The following ZNF385D variants were observed in gnomAD, a reference collection of about 807,000 sequenced individuals.
ZNF385D encodes zinc finger protein 659.
In ZNF385D, 15 loss-of-function variants were observed where a neutral mutation model predicts 35.8. That is an observed-to-expected ratio of 0.42 (90% CI 0.28 to 0.64). ZNF385D has a LOEUF of 0.64. Ranked by LOEUF, ZNF385D falls within the 30% of genes least tolerant of loss-of-function variation. ZNF385D has a pLI of 0.23. For synonymous variants in ZNF385D, 212 were observed against 186.8 expected (o/e 1.13, Z -1.10); for missense variants, 474 against 494.6 (o/e 0.96, Z 0.39).
chr3:22,292,413 A>C (rs1241558371), intron 2 of ZNF385D, among the ~76,000 whole-genome samples: 1 of 152,084 alleles, frequency 6.6e-6, no homozygotes, highest in South Asian at 2.1e-4. Context: ...ATATTTATAA[A>C]TAAAGCCATT....
At position 21,682,983 on chromosome 3, in the gene ZNF385D, A is replaced by C. The variant is rs960760288; in HGVS notation, c.23-17955T>G. Among the ~76,000 whole-genome samples the C allele has an allele frequency of 4.7e-5, 7 of 150,020 alleles. 1 individual carries two copies. Among genetic ancestry groups the C allele is most frequent in the Non-Finnish European group, 4.5e-5 (3 of 67,406 alleles). ...GAGCACTGGCCCTCAAACTTTAGTG[A>C]GCATCAGAAATGCCTAGAGGGCTTA... On this transcript the variant is annotated intron_variant, in intron 1 of 7. Coordinates refer to ENST00000281523, the MANE Select transcript of ZNF385D (RefSeq NM_024697.3).
intron 2 of ZNF385D, among the ~76,000 whole-genome samples, chr3:22,227,419 G>C (rs1331179936): frequency 6.6e-6 from 1 of 152,168 alleles, no homozygotes. Context: ...ATGGAGGAAG[G>C]AATGCTTCCC....
At chr3:22,336,909 C>CAAAAAAAAA (rs59822476) in intron 2 of ZNF385D, among the ~76,000 whole-genome samples, 2,319 of 47,914 alleles carry the variant, frequency 0.048, 799 homozygotes, top group Middle Eastern at 0.1. Flanking sequence ...AGTGATTTTT[C>CAAAAAAAAA]AAAAAAAAAA....
At chr3:22,348,054 G>T (rs1449427207) in intron 2 of ZNF385D, among the ~76,000 whole-genome samples, 2 of 151,970 alleles carry the variant, frequency 1.3e-5, no homozygotes, top group Non-Finnish European at 2.9e-5. Context: ...TAAGGTCTAC[G>T]CTTAGAATAT....
At chr3:21,671,711 T>C (rs535587015) in intron 1 of ZNF385D, among the ~76,000 whole-genome samples, 10 of 152,216 alleles carry the variant, frequency 6.6e-5, no homozygotes, top group African/African-American at 1.4e-4. Flanking sequence ...TTTGTCAAAT[T>C]AGTTCCGAGA....
At chr3:21,802,554 T>TAA (rs5847139) in intron 3 of ZNF385D, among the ~76,000 whole-genome samples, 8 of 151,342 alleles carry the variant, frequency 5.3e-5, no homozygotes, top group Non-Finnish European at 8.8e-5. Context: ...TACATTGATT[T>TAA]AAAAAAAAAT....
intron 2 of ZNF385D, among the ~76,000 whole-genome samples, chr3:21,615,478 G>A (rs532370224): frequency 2.2e-4 from 33 of 152,220 alleles, no homozygotes; most frequent in African/African-American, 4.1e-4. Context: ...CTGAAATGGC[G>A]TCATATTCAA....
intron 2 of ZNF385D, among the ~76,000 whole-genome samples, chr3:22,288,086 C>A (rs1356521029): frequency 6.6e-6 from 1 of 151,868 alleles, no homozygotes; most frequent in Non-Finnish European, 1.5e-5. Flanking sequence ...CAAACCACTT[C>A]TTTATGATTG....
chr3:22,312,922 A>G (rs1007503369), intron 2 of ZNF385D, among the ~76,000 whole-genome samples: 1 of 135,384 alleles, frequency 7.4e-6, no homozygotes, highest in Non-Finnish European at 1.6e-5. Context: ...AAAGGACTAT[A>G]AATCATGCTG....
chr3:22,237,261 T>C (rs1419469397), intron 2 of ZNF385D, among the ~76,000 whole-genome samples: 1 of 152,180 alleles, frequency 6.6e-6, no homozygotes, highest in African/African-American at 2.4e-5. Flanking sequence ...CTGACTTCCA[T>C]TTACCTAATT....
chr3:21,594,973 C>T (rs2064088772), intron 2 of ZNF385D, among the ~76,000 whole-genome samples: 1 of 152,108 alleles, frequency 6.6e-6, no homozygotes, highest in South Asian at 2.1e-4. Context: ...ACAGGTAAAA[C>T]CAATAGTTAA....
intron 2 of ZNF385D, among the ~76,000 whole-genome samples, chr3:22,369,781 C>A (rs151142926): frequency 6.0e-4 from 91 of 152,176 alleles, no homozygotes; most frequent in Middle Eastern, 3.4e-3. Context: ...AGTTATCTTA[C>A]TTGTTCTTAC....
At position 21,962,206 on chromosome 3, in the gene ZNF385D, A is replaced by G. The variant is rs372772509; in HGVS notation, c.325+206611T>C. 1.1e-4 allele frequency among the ~76,000 whole-genome samples: 16 copies of G among 152,314 alleles called. No homozygotes were observed. In the East Asian group the frequency reaches 1.2e-3, roughly 11 times the overall value. ...GGAAGAGATGATTATGTATTTGGCTAGAATCCTGGTGCTGGATGTAAAGAG... is the reference window on the plus strand; with the variant it reads ...GGAAGAGATGATTATGTATTTGGCTGGAATCCTGGTGCTGGATGTAAAGAG... On this transcript the variant is annotated intron_variant, in intron 3 of 5. Transcript: ENST00000494108.
chr3:22,045,435 T>C (rs1190592075), intron 3 of ZNF385D, among the ~76,000 whole-genome samples: 1 of 152,120 alleles, frequency 6.6e-6, no homozygotes, highest in African/African-American at 2.4e-5. Context: ...AGGCTGGTCT[T>C]CCACAGAATT....
chr3:22,184,279 T>C (rs374995765), intron 2 of ZNF385D, among the ~76,000 whole-genome samples: 2 of 152,210 alleles, frequency 1.3e-5, no homozygotes, highest in South Asian at 4.1e-4. Context: ...TTCACACTCA[T>C]GTTCATGGAA....
Position 22,133,104 on chromosome 3 carries a change from T to C in ZNF385D, c.325+35713A>G, listed in dbSNP as rs140875209. On this transcript the variant is annotated intron_variant, in intron 3 of 5. Coordinates refer to the ZNF385D transcript ENST00000494108. ...GAAAGTGCAGCTAATTTATCTCTTT[T>C]AATAAAAATAAAGCTAGTTTTACAA... 1.0e-3 allele frequency among the ~76,000 whole-genome samples: 157 copies of C among 152,280 alleles called. 2 individuals carry two copies. In the South Asian group the frequency reaches 0.025, roughly 24 times the overall value.
chr3:21,978,647 T>C (rs1260173674), intron 3 of ZNF385D, among the ~76,000 whole-genome samples: 1 of 152,206 alleles, frequency 6.6e-6, no homozygotes, highest in East Asian at 1.9e-4. Flanking sequence ...ATTCAATTAC[T>C]CTTTTATGAG....
chr3:22,136,704 G>C (rs1232068370), intron 3 of ZNF385D, among the ~76,000 whole-genome samples: 4 of 152,132 alleles, frequency 2.6e-5, no homozygotes, highest in African/African-American at 9.7e-5. Flanking sequence ...TTCAATAGGA[G>C]TATGGATAAG....
intron 2 of ZNF385D, among the ~76,000 whole-genome samples, chr3:22,212,297 A>T (rs905322780): frequency 6.6e-6 from 1 of 152,016 alleles, no homozygotes; most frequent in Non-Finnish European, 1.5e-5. Context: ...CTTGCTCCAC[A>T]TAAAGACAAA....
Sources: allele counts gnomAD v4.1 joint callset (sites outside exome capture counted in the v4.1 genomes callset), GRCh38; gene constraint gnomAD v4.1.1; transcripts MANE v1.5; gene names NCBI Gene and HGNC (gene_info 2026-07-23, HGNC 2026-07-21).